The following DDX54 variants were observed in gnomAD, a reference collection of about 807,000 sequenced individuals.
DDX54 encodes the protein ATP-dependent RNA helicase DDX54.
Under a neutral mutation model 105.5 loss-of-function variants are expected in DDX54, and 67 were observed. The observed-to-expected ratio is 0.64, with a 90% CI of 0.52 to 0.78. The LOEUF is 0.78. Ranked by LOEUF, DDX54 falls within the 30% of genes least tolerant of loss-of-function variation. DDX54 has a pLI of 0.00. For missense variants in DDX54, 1,206 were observed against 1,230.5 expected, an observed-to-expected ratio of 0.98 and a Z score of 0.30; for synonymous variants, 514 against 509.9, an observed-to-expected ratio of 1.01 and a Z score of -0.11.
chr12:113,158,669 T>G lies in DDX54; in HGVS notation c.*208A>C, dbSNP rs1952166172. On this transcript the variant is annotated 3_prime_UTR_variant, in exon 20 of 20. Transcript: ENST00000306014. This position sits in a 1 kb window ranked among gnomAD's most constrained non-coding sequence, Gnocchi z 4.9. ...TTTGCTGGCGAACTCCTGCACACCC[T>G]TCAAGGCCCTGTTCAAATGTCTCTG... 3 of 601,746 alleles carry G rather than the reference T, an allele frequency of 5.0e-6. No homozygotes were observed. Among genetic ancestry groups the G allele is most frequent in the Non-Finnish European group, 8.3e-6 (3 of 362,968 alleles). The allele number at this position is 601,746 out of a possible 1,614,324, so 37.3% of individuals were successfully genotyped here.
intron 12 of DDX54, 138 bp from the exon 13 acceptor site, chr12:113,166,170 A>G (rs1230139038): frequency 2.4e-6 from 2 of 843,550 alleles, no homozygotes; most frequent in Non-Finnish European, 1.8e-6. Flanking sequence ...AAAGAACACC[A>G]GCACTCAGGG....
At chr12:113,171,497 G>A (rs144821266) in intron 11 of DDX54, among the ~76,000 whole-genome samples, 2 of 152,040 alleles carry the variant, frequency 1.3e-5, no homozygotes, top group African/African-American at 4.8e-5. Flanking sequence ...CCAGCTACTC[G>A]GGAGGCTGAT....
chr12:113,157,743 A>C lies in DDX54; in HGVS notation c.*1134T>G. 4 of 1,300,900 alleles carry C rather than the reference A, an allele frequency of 3.1e-6. No individual in the cohort carries two copies. In the South Asian group the frequency reaches 5.0e-5, roughly 16 times the overall value. The allele number at this position is 1,300,900 out of a possible 1,614,324, so 80.6% of individuals were successfully genotyped here. A position where few individuals can be genotyped will look rare whatever the true frequency, so the allele number is the denominator to read the frequency against. ...GAGACCCTGAGATAGGAGGGCCCACATTTCCAATGGGGTGTGGACTGAGTG... is the reference window on the plus strand; with the variant it reads ...GAGACCCTGAGATAGGAGGGCCCACCTTTCCAATGGGGTGTGGACTGAGTG... On this transcript the variant is annotated 3_prime_UTR_variant, in exon 20 of 20. Coordinates refer to ENST00000306014, the MANE Select transcript of DDX54 (RefSeq NM_024072.4).
chr12:113,161,043 C>T (rs1021726165), intron 19 of DDX54, among the ~76,000 whole-genome samples: 15 of 121,148 alleles, frequency 1.2e-4, no homozygotes, highest in African/African-American at 4.6e-4. Flanking sequence ...GCCTGTCAGG[C>T]GGTGCTCGTG....
chr12:113,161,499 C>G, intron 18 of DDX54, 117 bp from the exon 19 acceptor site: 1 of 792,750 alleles, frequency 1.3e-6, no homozygotes, highest in Non-Finnish European at 2.0e-6. Context: ...GCTGCTCGGC[C>G]CCGCCCCCAG....
At position 113,172,555 on chromosome 12, in the gene DDX54, C is replaced by T. The variant is rs1031590148; in HGVS notation, c.1077G>A (p.Thr359=). 12 of 1,613,958 alleles carry T rather than the reference C, an allele frequency of 7.4e-6. No individual in the cohort carries two copies. In the South Asian group the frequency reaches 7.7e-5, roughly 10 times the overall value. ...TGTGGGCGCAGCTCACCCGCTGGGT[C>T]GTCAGCAGCTGCTCAGAGCAAAGAT... ...HHAEYLTELL[T]TQRVSCAHIY... is the part of the protein sequence containing the mutation. The change falls in exon 11 of 20, where the codon ACG becomes ACA. Residue 359 remains threonine (T), a synonymous_variant. Transcript: ENST00000306014.
chr12:113,182,239 C>T (rs1023875197), intron 1 of DDX54, among the ~76,000 whole-genome samples: 1 of 152,144 alleles, frequency 6.6e-6, no homozygotes, highest in South Asian at 2.1e-4. Flanking sequence ...GGGATGTGAA[C>T]CCTGGCTTCA....
chr12:113,183,079 C>T (rs1046508927), intron 1 of DDX54, among the ~76,000 whole-genome samples: 3 of 152,120 alleles, frequency 2.0e-5, no homozygotes, highest in Non-Finnish European at 4.4e-5. Context: ...AGGCTGGTCT[C>T]GAACTCCTGG....
rs144377478 is a variant in DDX54, at chr12:113,175,103, G to A, written c.807C>T (p.Pro269=). The stretch of plus-strand genomic sequence containing the variant: ...AGAACAGCACCGTCTGGTGGCCCCC[G>A]GGGAGGCGGGCGATGATCTCCTGCA... ...EQLQEIIARL[P]GGHQTVLFSA... Residue 269 remains proline, a synonymous_variant, in exon 8 of 20, where the codon CCC becomes CCT. Transcript: ENST00000306014. 1.5e-4 allele frequency: 249 copies of A among 1,613,578 alleles called. 2 individuals are homozygous for A. In the South Asian group the frequency reaches 2.5e-3, roughly 16 times the overall value.
intron 12 of DDX54, among the ~76,000 whole-genome samples, chr12:113,168,463 A>C (rs1215953733): frequency 6.6e-6 from 1 of 152,216 alleles, no homozygotes; most frequent in East Asian, 1.9e-4. Context: ...TGTGAAGCAG[A>C]GGTGATGACA....
chr12:113,181,029 G>C lies in DDX54; in HGVS notation c.204C>G (p.Phe68Leu), dbSNP rs780070623. Residue 68 changes from phenylalanine to leucine, a missense_variant, in exon 2 of 20, where the codon TTC becomes TTG. Physicochemically the swap from Phe to Leu is conservative, Grantham distance 22. Coordinates refer to ENST00000306014, the MANE Select transcript of DDX54 (RefSeq NM_024072.4). ...CATCCGAGGTGCATTCCGAGGTGGG[G>C]AAGGTGGGCAGGGGTCTTCCAGGTC... ...KLGPGRPLPTFPTSECTSDVE... is the reference protein window; with the variant it reads ...KLGPGRPLPTLPTSECTSDVE... 1.2e-6 allele frequency: 2 copies of C among 1,613,476 alleles called. No homozygotes were observed. The highest frequency in any genetic ancestry group is 1.7e-6 in the Non-Finnish European group (2 of 1,179,760).
At chr12:113,179,702 G>A (rs1952443573) in intron 3 of DDX54, among the ~76,000 whole-genome samples, 1 of 152,312 alleles carries the variant, frequency 6.6e-6, no homozygotes, top group Admixed American at 6.5e-5. Context: ...CCTGAGCTGA[G>A]GTTCAGCTGT....
At chr12:113,174,524 AGCCCAG>A in intron 10 of DDX54, 110 bp downstream of exon 10, 1 of 1,411,606 alleles carries the variant, frequency 7.1e-7, no homozygotes, top group Non-Finnish European at 9.5e-7. Flanking sequence ...GACCATCTTG[AGCCCAG>A]GCCCAGGCTC....
Position 113,161,900 on chromosome 12 carries a change from G to T in DDX54, c.2293C>A (p.Arg765=), listed in dbSNP as rs1467080018. ...SGRYISSSYK[R]DLYQKWKQKQ... is the part of the protein sequence containing the mutation. ...CCACGCCCCTCAGGATACAGGTCTC[G>T]CTTGTAGGAGCTGCTGATGTAGCGG... The change falls in exon 18 of 20, where the codon CGA becomes AGA. Residue 765 remains arginine, a synonymous_variant. Transcript: ENST00000306014. 2 of 1,607,848 alleles carry T rather than the reference G, an allele frequency of 1.2e-6. No homozygotes were observed.
intron 12 of DDX54, among the ~76,000 whole-genome samples, chr12:113,166,449 TCA>T (rs1490062876): frequency 6.6e-6 from 1 of 151,850 alleles, no homozygotes; most frequent in East Asian, 1.9e-4. Context: ...GCCTATAATC[TCA>T]GAGTTCCGGG....
At chr12:113,179,411 G>A in intron 3 of DDX54, 80 bp from the exon 4 acceptor site, 1 of 1,481,328 alleles carries the variant, frequency 6.8e-7, no homozygotes, top group Non-Finnish European at 9.1e-7. Flanking sequence ...GCCCTGAGGA[G>A]TGGGCATGCT....
chr12:113,162,896 C>A, intron 17 of DDX54, 36 bp downstream of exon 17: 1 of 1,543,030 alleles, frequency 6.5e-7, no homozygotes, highest in East Asian at 2.2e-5. Context: ...GGTCACTCAC[C>A]CCGAGCATGG....
At position 113,161,312 on chromosome 12, in the gene DDX54, G is replaced by C. The variant is rs770471968; in HGVS notation, c.2371C>G (p.Arg791Gly). 3 of 1,613,442 alleles carry C rather than the reference G, an allele frequency of 1.9e-6. No individual in the cohort carries two copies. In the South Asian group the frequency reaches 3.3e-5, roughly 18 times the overall value. ...TTCCCACCTCTTCGCTCTGGGCCTCGCCGGTCAGATGCCCCTTCTTCGTCC... is the reference window on the plus strand; with the variant it reads ...TTCCCACCTCTTCGCTCTGGGCCTCCCCGGTCAGATGCCCCTTCTTCGTCC... ...DSDEEGASDR[R>G]GPERRGGKRD... The change falls in exon 19 of 20, where the codon CGA (arginine) becomes GGA (glycine). Residue 791 changes from arginine (R) to glycine (G), a missense_variant. Physicochemically the swap from Arg to Gly is moderately radical, Grantham distance 125 (BLOSUM62 -2). This residue lies in a region of DDX54 where 961 missense variants were observed against 1,019.1 expected (regional missense o/e 0.94). Transcript: ENST00000306014.
intron 19 of DDX54, 31 bp from the exon 20 acceptor site, chr12:113,159,140 T>G (rs1208325873): frequency 6.4e-7 from 1 of 1,554,402 alleles, no homozygotes; most frequent in Non-Finnish European, 8.7e-7. Flanking sequence ...GGAGCTCAGC[T>G]GTTGGGATCA....
Sources: allele counts gnomAD v4.1 joint callset (sites outside exome capture counted in the v4.1 genomes callset), GRCh38; gene constraint gnomAD v4.1.1; regional missense constraint gnomAD v4.1.1; non-coding constraint Gnocchi (gnomAD v3.1); transcripts MANE v1.5; gene names NCBI Gene and HGNC (gene_info 2026-07-23, HGNC 2026-07-21).